The following SEC16B variants were observed in gnomAD, a reference collection of about 807,000 sequenced individuals.
SEC16B encodes the protein SEC16 homolog B, endoplasmic reticulum export factor, also known as protein transport protein Sec16B.
A neutral mutation model predicts 141.8 loss-of-function variants in SEC16B; 115 were observed. The ratio of observed to expected loss-of-function variants is 0.81; its 90% CI spans 0.70 to 0.95. SEC16B has a LOEUF of 0.95. Ranked by LOEUF, SEC16B falls within the 40% of genes least tolerant of loss-of-function variation. SEC16B has a pLI of 0.00. For missense variants in SEC16B, 1,291 were observed against 1,312.3 expected (o/e 0.98, Z 0.25); for synonymous variants, 493 against 492.5 (o/e 1.00, Z -0.01).
chr1:177,946,627 G>A (rs1037098364), intron 13 of SEC16B, 96 bp from the exon 14 acceptor site: 41 of 839,828 alleles, frequency 4.9e-5, no homozygotes, highest in Middle Eastern at 3.6e-4. Flanking sequence ...GAGTGGCCTC[G>A]GGGGTCAGAG....
intron 3 of SEC16B, 134 bp downstream of exon 3, chr1:177,965,759 G>T: frequency 1.7e-6 from 1 of 591,004 alleles, no homozygotes; most frequent in Non-Finnish European, 3.0e-6. Context: ...GAGTGTTTCT[G>T]CTATGGTCTC....
Position 177,962,936 on chromosome 1 carries a change from A to G in SEC16B, c.643-1202T>C, listed in dbSNP as rs183861628. ...AGCCTGGCCAACATGGTGAAACCCC[A>G]TCTCTACTAAAAAATACAAAAATTA... On this transcript the variant is annotated intron_variant, in intron 5 of 25. Coordinates refer to ENST00000308284, the MANE Select transcript of SEC16B (RefSeq NM_033127.4). 3.6e-3 allele frequency among the ~76,000 whole-genome samples: 535 copies of G among 149,808 alleles called. 2 individuals carry two copies. Among genetic ancestry groups the G allele is most frequent in the Admixed American group, 0.026 (378 of 14,708 alleles).
chr1:177,941,878 C>T (rs2101921391), intron 16 of SEC16B, 22 bp downstream of exon 16: 1 of 1,611,956 alleles, frequency 6.2e-7, no homozygotes, highest in Non-Finnish European at 8.5e-7. Context: ...AACAACTGCA[C>T]AGAACCCTTT....
chr1:177,942,796 T>A (rs1651384607), intron 15 of SEC16B, among the ~76,000 whole-genome samples: 1 of 152,102 alleles, frequency 6.6e-6, no homozygotes, highest in African/African-American at 2.4e-5. Flanking sequence ...AGGGCTTTGG[T>A]ATCAGACAGA....
rs188833273 is a variant in SEC16B, at chr1:177,958,969, A to C, written c.1005T>G (p.Asp335Glu). The stretch of plus-strand genomic sequence containing the variant: ...ACGTCATAATATCCACCTTATGTAC[A>C]TCTTCCCTACATGGAAAAAATTTAG... ...RSFSGPLIRE[D>E]VHKVDIMTFC... The change falls in exon 9 of 26, where the codon GAT (aspartate) becomes GAG (glutamate). Residue 335 changes from aspartate to glutamate, a missense_variant. This residue lies in a region of SEC16B where 681 missense variants were observed against 675.5 expected (regional missense o/e 1.01). Coordinates refer to ENST00000308284, the MANE Select transcript of SEC16B (RefSeq NM_033127.4). 23 of 1,612,782 alleles carry C rather than the reference A, an allele frequency of 1.4e-5. No individual in the cohort carries two copies. Among genetic ancestry groups the C allele is most frequent in the Non-Finnish European group, 1.7e-5 (20 of 1,179,484 alleles).
chr1:177,938,089 A>T (rs1156836129), intron 18 of SEC16B, among the ~76,000 whole-genome samples: 1 of 152,196 alleles, frequency 6.6e-6, no homozygotes, highest in Non-Finnish European at 1.5e-5. Context: ...CTCAACAAGC[A>T]CTGGCCTCAA....
At chr1:177,936,259 T>A (rs1272645503) in intron 20 of SEC16B, 39 bp downstream of exon 20, 12 of 1,553,178 alleles carry the variant, frequency 7.7e-6, no homozygotes, top group Non-Finnish European at 1.1e-5. Flanking sequence ...CAGAAGCATT[T>A]GAGTGGGCAG....
intron 20 of SEC16B, among the ~76,000 whole-genome samples, chr1:177,934,104 G>A (rs770623735): frequency 5.9e-5 from 9 of 151,538 alleles, no homozygotes; most frequent in Non-Finnish European, 1.2e-4. Flanking sequence ...ACCAAAGGGG[G>A]GTAAAATACA....
intron 1 of SEC16B, among the ~76,000 whole-genome samples, chr1:177,982,627 T>C (rs1421498706): frequency 6.6e-6 from 1 of 152,218 alleles, no homozygotes; most frequent in Non-Finnish European, 1.5e-5. Context: ...ACTGAACTGA[T>C]GGTGAGGAGT....
At chr1:177,949,409 CA>C (rs1651991755) in intron 12 of SEC16B, among the ~76,000 whole-genome samples, 1 of 151,120 alleles carries the variant, frequency 6.6e-6, no homozygotes. Flanking sequence ...CACACACACA[CA>C]CACACACACA....
intron 1 of SEC16B, among the ~76,000 whole-genome samples, chr1:177,976,251 C>A: frequency 6.6e-6 from 1 of 152,176 alleles, no homozygotes; most frequent in Non-Finnish European, 1.5e-5. Context: ...TCCTTATTAG[C>A]CCTAGGCTGG....
chr1:177,978,490 G>A (rs1654266486), intron 1 of SEC16B, among the ~76,000 whole-genome samples: 1 of 151,992 alleles, frequency 6.6e-6, no homozygotes. Flanking sequence ...GAGGATTGCT[G>A]AGGCCAGAAG....
intron 1 of SEC16B, among the ~76,000 whole-genome samples, chr1:177,981,984 A>G (rs541734556): frequency 1.5e-4 from 23 of 152,370 alleles, no homozygotes; most frequent in African/African-American, 5.3e-4. Flanking sequence ...ACAGACTTCA[A>G]AATAAGAAAA....
At chr1:177,972,342 C>T (rs146079241), upstream of SEC16B, among the ~76,000 whole-genome samples, 679 of 152,316 alleles carry the variant, frequency 4.5e-3, 5 homozygotes, top group African/African-American at 0.016. Context: ...CACATAACTA[C>T]AATTACTAAG....
At chr1:177,937,659 A>G in intron 18 of SEC16B, 146 bp from the exon 19 acceptor site, 1 of 632,406 alleles carries the variant, frequency 1.6e-6, no homozygotes, top group Admixed American at 3.3e-5. Flanking sequence ...TAACATGATG[A>G]CAAGTAAAAC....
Position 177,929,889 on chromosome 1 carries a change from GC to G in SEC16B, c.3151del (p.Ala1051LeufsTer79), listed in dbSNP as rs1650284894. On this transcript the variant is annotated frameshift_variant, in exon 26 of 26. Coordinates refer to ENST00000308284, the MANE Select transcript of SEC16B (RefSeq NM_033127.4). LOFTEE classifies it high-confidence loss of function. ...TGGCTGGGTGGGATAGCGACGCTGA[GC>G]TAGGCGATTTGGCCGATTCAGGCTA... Reference protein sequence around the residue: ...ATSLNRPNRLAQRRYPTQPC With the variant: ...ATSLNRPNRLXQRRYPTQPC The G allele has an allele frequency of 6.2e-7, 1 of 1,613,810 alleles. No homozygotes were observed. Among genetic ancestry groups the G allele is most frequent in the Non-Finnish European group, 8.5e-7 (1 of 1,179,886 alleles).
chr1:177,956,110 T>C (rs556984348), intron 10 of SEC16B, among the ~76,000 whole-genome samples: 1 of 152,352 alleles, frequency 6.6e-6, no homozygotes, highest in Admixed American at 6.5e-5. Flanking sequence ...TATTACCTTT[T>C]TAAGTGATTG....
At chr1:177,952,047 C>A in intron 11 of SEC16B, 52 bp from the exon 12 acceptor site, 2 of 1,469,502 alleles carry the variant, frequency 1.4e-6, no homozygotes, top group Non-Finnish European at 9.3e-7. Context: ...ACCTCTTTAC[C>A]CATTGCCCAC....
intron 9 of SEC16B, among the ~76,000 whole-genome samples, 173 bp downstream of exon 9, chr1:177,958,667 G>A (rs1442922215): frequency 3.9e-5 from 6 of 152,170 alleles, no homozygotes; most frequent in Non-Finnish European, 8.8e-5. Flanking sequence ...AGATCATCAG[G>A]GAAGATCTGC....
Sources: allele counts gnomAD v4.1 joint callset (sites outside exome capture counted in the v4.1 genomes callset), GRCh38; gene constraint gnomAD v4.1.1; regional missense constraint gnomAD v4.1.1; transcripts MANE v1.5; gene names NCBI Gene and HGNC (gene_info 2026-07-23, HGNC 2026-07-21).